CAMTA1: variants seen among roughly 807,000 people sequenced by gnomAD.
The protein encoded by CAMTA1 is calmodulin-binding transcription activator 1.
A neutral mutation model predicts 170.9 loss-of-function variants in CAMTA1; 27 were observed. That is an observed-to-expected ratio of 0.16 (90% CI 0.12 to 0.22). CAMTA1 has a LOEUF of 0.22. Among genes scored for constraint, CAMTA1 ranks in the 10% least tolerant of loss-of-function variants. The pLI, the probability that CAMTA1 is intolerant of heterozygous loss-of-function variation, is 1.00. For missense variants in CAMTA1, 1,619 were observed against 2,217.2 expected, an observed-to-expected ratio of 0.73 and a Z score of 5.42; for synonymous variants, 833 against 891.5, an observed-to-expected ratio of 0.93 and a Z score of 1.17.
At chr1:7,487,188 T>C (rs1415456933) in intron 6 of CAMTA1, among the ~76,000 whole-genome samples, 2 of 152,152 alleles carry the variant, frequency 1.3e-5, no homozygotes, top group African/African-American at 4.8e-5. Context: ...AGCAAGTGCA[T>C]GAAGGCCCCT....
Position 7,297,927 on chromosome 1 carries a change from G to C in CAMTA1, c.438+48301G>C, listed in dbSNP as rs946799556. ...CAATCCTAGTCACTTCATTGTGGCA[G>C]GAATCAATATCTATTTGGTTTAATG... is the stretch of plus-strand genomic sequence containing the variant. On this transcript the variant is annotated intron_variant, in intron 5 of 22. Coordinates refer to ENST00000303635, the MANE Select transcript of CAMTA1 (RefSeq NM_015215.4). Among the ~76,000 whole-genome samples, 4 of 152,312 alleles carry C rather than the reference G, an allele frequency of 2.6e-5. No homozygotes were observed. In the East Asian group the frequency reaches 7.7e-4, roughly 29 times the overall value.
intron 20 of CAMTA1, 51 bp downstream of exon 20, chr1:7,751,443 T>G: frequency 2.1e-6 from 3 of 1,463,070 alleles, no homozygotes; most frequent in South Asian, 1.4e-5. Context: ...AAGAGAACTC[T>G]GACTTCTTTG....
At chr1:7,513,079 C>G (rs896140560) in intron 6 of CAMTA1, among the ~76,000 whole-genome samples, 2 of 151,630 alleles carry the variant, frequency 1.3e-5, no homozygotes, top group African/African-American at 2.4e-5. Flanking sequence ...ACCCCGTGCC[C>G]CCTTCACTGC....
chr1:7,004,388 C>G (rs917666280), intron 3 of CAMTA1, among the ~76,000 whole-genome samples: 1 of 152,164 alleles, frequency 6.6e-6, no homozygotes, highest in Non-Finnish European at 1.5e-5. Flanking sequence ...GGCAGCTGCT[C>G]TGGGTTGGCT....
intron 3 of CAMTA1, among the ~76,000 whole-genome samples, chr1:6,933,853 C>G (rs1034291813): frequency 6.6e-6 from 1 of 152,200 alleles, no homozygotes. Context: ...CAATACCCCA[C>G]TGTCTTGACT....
intron 7 of CAMTA1, among the ~76,000 whole-genome samples, chr1:7,643,119 C>T (rs1446681627): frequency 6.7e-6 from 1 of 150,256 alleles, no homozygotes; most frequent in Non-Finnish European, 1.5e-5. Flanking sequence ...TCCCACCCCT[C>T]AGTGTTTACA....
chr1:7,361,717 G>A (rs879696427), intron 5 of CAMTA1, among the ~76,000 whole-genome samples: 3 of 152,250 alleles, frequency 2.0e-5, no homozygotes, highest in Non-Finnish European at 2.9e-5. Context: ...TCTTATGCAA[G>A]AGAGGACTCA....
rs541860904 is a variant in CAMTA1, at chr1:6,837,007, G to C, written c.234+11797G>C. Among the ~76,000 whole-genome samples, 273 of 149,936 alleles carry C rather than the reference G, an allele frequency of 1.8e-3. 1 individual carries two copies. The highest frequency in any genetic ancestry group is 6.5e-3 in the African/African-American group (263 of 40,694). ...GGCTGGAGTGCAGTGGCGCAATCTC[G>C]GCTCACTGCAATCTCCGCTCACTGC... On this transcript the variant is annotated intron_variant, in intron 3 of 22. Transcript: ENST00000303635.
chr1:7,335,142 G>GT (rs1557537287), intron 5 of CAMTA1, among the ~76,000 whole-genome samples: 2 of 83,954 alleles, frequency 2.4e-5, no homozygotes, highest in African/African-American at 8.4e-5. Flanking sequence ...GTGTGTGTGG[G>GT]GGGGGGGGGG....
intron 6 of CAMTA1, among the ~76,000 whole-genome samples, chr1:7,511,827 T>C (rs1196924693): frequency 6.6e-6 from 1 of 152,080 alleles, no homozygotes; most frequent in African/African-American, 2.4e-5. Flanking sequence ...GCTTTCCTGG[T>C]CCCCAAACTC....
intron 3 of CAMTA1, among the ~76,000 whole-genome samples, chr1:6,907,755 T>C (rs773726676): frequency 8.5e-5 from 13 of 152,168 alleles, no homozygotes; most frequent in Non-Finnish European, 1.6e-4. Flanking sequence ...AGCGTGGGCA[T>C]GTGCCCCGTG....
rs902581802 is a variant in CAMTA1 at position 7,685,283 on chromosome 1, A to G, written c.2914+7550A>G. 6.6e-6 allele frequency among the ~76,000 whole-genome samples: 1 copy of G among 152,200 alleles called. No individual in the cohort carries two copies. Among genetic ancestry groups the G allele is most frequent in the Non-Finnish European group, 1.5e-5 (1 of 68,042 alleles). ...AGGGAAGGATGCAGATATGGGAAAG[A>G]TCAGTTCCTGGCTTGGAGGAGCCAC... On this transcript the variant is annotated intron_variant, in intron 11 of 22. Coordinates refer to ENST00000303635, the MANE Select transcript of CAMTA1 (RefSeq NM_015215.4). This position sits in a 1 kb window ranked among gnomAD's most constrained non-coding sequence, Gnocchi z 5.7.
chr1:6,846,111 C>G (rs12035477), intron 3 of CAMTA1, among the ~76,000 whole-genome samples: 25,985 of 152,128 alleles, frequency 0.17, 2,324 homozygotes, highest in East Asian at 0.29. Context: ...CTGGCCCCGC[C>G]CTTGACACAT....
At chr1:7,290,322 C>T (rs1290490000) in intron 5 of CAMTA1, among the ~76,000 whole-genome samples, 1 of 152,174 alleles carries the variant, frequency 6.6e-6, no homozygotes, top group African/African-American at 2.4e-5. Context: ...GTGATGAAAA[C>T]ACCATGTTCT....
intron 7 of CAMTA1, among the ~76,000 whole-genome samples, chr1:7,655,595 TAC>T (rs143629561): frequency 0.63 from 91,011 of 144,566 alleles, 28,307 homozygotes; most frequent in East Asian, 0.71. Context: ...AACACCCCTA[TAC>T]ACACACCTAT....
intron 4 of CAMTA1, among the ~76,000 whole-genome samples, chr1:7,164,944 C>T (rs1487834720): frequency 2.6e-5 from 4 of 152,146 alleles, no homozygotes; most frequent in African/African-American, 4.8e-5. Context: ...TTAGAATGCT[C>T]GTCCCTTTGT....
chr1:7,447,706 C>G (rs1007031869), intron 5 of CAMTA1, among the ~76,000 whole-genome samples: 10 of 152,074 alleles, frequency 6.6e-5, no homozygotes, highest in African/African-American at 2.4e-4. Context: ...TCTCGTCCAC[C>G]CGAGTGCTTT....
chr1:7,478,332 T>C (rs2093456610), intron 6 of CAMTA1, among the ~76,000 whole-genome samples: 1 of 152,238 alleles, frequency 6.6e-6, no homozygotes, highest in Non-Finnish European at 1.5e-5. Flanking sequence ...ATCTGGTGTC[T>C]GGCTGAGTGA....
intron 7 of CAMTA1, among the ~76,000 whole-genome samples, chr1:7,656,212 T>A (rs61680223): frequency 0.03 from 4,519 of 152,348 alleles, 213 homozygotes; most frequent in African/African-American, 0.1. Flanking sequence ...GCCCTCACAG[T>A]GTGCCACAGA....
Sources: gnomAD v4.1 joint callset for allele counts (sites outside exome capture counted in the v4.1 genomes callset) on GRCh38, gnomAD v4.1.1 for gene constraint, Gnocchi (gnomAD v3.1) non-coding constraint, MANE v1.5 for transcripts, NCBI Gene and HGNC (gene_info 2026-07-23, HGNC 2026-07-21) for gene names.